Variants in AP3M1 observed in about 807,000 individuals in gnomAD.
AP3M1 encodes adaptor related protein complex 3 subunit mu 1.
A neutral mutation model predicts 42.6 loss-of-function variants in AP3M1; 29 were observed. The ratio of observed to expected loss-of-function variants is 0.68; its 90% CI spans 0.51 to 0.93. The LOEUF is 0.93. Ranked by LOEUF, AP3M1 falls within the 40% of genes least tolerant of loss-of-function variation. AP3M1 has a pLI of 0.00. For synonymous variants in AP3M1, 178 were observed against 175.3 expected, an observed-to-expected ratio of 1.02 and a Z score of -0.12; for missense variants, 416 against 510.2, an observed-to-expected ratio of 0.82 and a Z score of 1.78.
intron 6 of AP3M1, 70 bp downstream of exon 6, chr10:74,129,038 A>G: frequency 6.3e-7 from 1 of 1,576,310 alleles, no homozygotes; most frequent in Non-Finnish European, 8.7e-7. Flanking sequence ...CAACTTTCAG[A>G]AAGAAACAGG....
At chr10:74,125,092 T>C (rs1157918152) in intron 7 of AP3M1, among the ~76,000 whole-genome samples, 3 of 152,222 alleles carry the variant, frequency 2.0e-5, no homozygotes, top group Non-Finnish European at 4.4e-5. Flanking sequence ...GCGATGCTCC[T>C]GCCTCAGCCT....
At chr10:74,144,287 T>C (rs1841261635) in intron 1 of AP3M1, among the ~76,000 whole-genome samples, 1 of 151,180 alleles carries the variant, frequency 6.6e-6, no homozygotes, top group African/African-American at 2.4e-5. Flanking sequence ...TTTTTTGAGA[T>C]AGGGTCTCGC....
chr10:74,147,758 T>C (rs1159512871), intron 1 of AP3M1, among the ~76,000 whole-genome samples: 1 of 152,052 alleles, frequency 6.6e-6, no homozygotes, highest in East Asian at 1.9e-4. Context: ...CCCAGCACTT[T>C]GGGAGGCTGA....
chr10:74,134,386 A>G (rs1230439575), intron 3 of AP3M1, among the ~76,000 whole-genome samples: 1 of 152,214 alleles, frequency 6.6e-6, no homozygotes, highest in Non-Finnish European at 1.5e-5. Context: ...ACCAGGTTAA[A>G]TTTATTTACT....
chr10:74,147,732 G>A (rs1591770652), intron 1 of AP3M1, among the ~76,000 whole-genome samples: 1 of 152,254 alleles, frequency 6.6e-6, no homozygotes, highest in East Asian at 1.9e-4. Context: ...TGGGTGCGGT[G>A]GCTCACACCT....
chr10:74,134,067 A>G lies in AP3M1; in HGVS notation c.543T>C (p.Phe181=), dbSNP rs146857163. ...GVKYTNNEAY[F]DVVEEIDAII... ...TTGCGTCTATTTCTTCAACAACATCAAAATAGGCTTCATTGTTTGTGTACT... is the reference window on the plus strand; with the variant it reads ...TTGCGTCTATTTCTTCAACAACATCGAAATAGGCTTCATTGTTTGTGTACT... Residue 181 remains phenylalanine, a synonymous_variant, in exon 4 of 9, where the codon TTT becomes TTC. Transcript: ENST00000355264. 1.4e-5 allele frequency: 22 copies of G among 1,614,184 alleles called. 1 individual carries two copies. In the Middle Eastern group the frequency reaches 4.9e-4, roughly 36 times the overall value.
rs1254357847 is a variant in AP3M1, at chr10:74,121,468, TTAC to T, written c.*2339_*2341del. The T allele has an allele frequency of 2.0e-5, 3 of 152,258 alleles. No individual in the cohort carries two copies. The highest frequency in any genetic ancestry group is 6.5e-5 in the Admixed American group (1 of 15,282). The allele number at this position is 152,258 out of a possible 1,614,324, so 9.4% of individuals were successfully genotyped here. ...TGTAACTCTGTGCTTGAAAAATATTTTACTACTACTAAGTATTCAGAAATCTTT... is the reference window on the plus strand; with the variant it reads ...TGTAACTCTGTGCTTGAAAAATATTTTACTACTAAGTATTCAGAAATCTTT... On this transcript the variant is annotated 3_prime_UTR_variant, in exon 9 of 9. Transcript: ENST00000355264.
chr10:74,132,772 A>G (rs1044560059), intron 4 of AP3M1, among the ~76,000 whole-genome samples: 1 of 152,186 alleles, frequency 6.6e-6, no homozygotes, highest in African/African-American at 2.4e-5. Flanking sequence ...AGTACTGCAC[A>G]TAATGTAGTA....
At chr10:74,130,994 C>T (rs1398638962) in intron 4 of AP3M1, among the ~76,000 whole-genome samples, 1 of 151,726 alleles carries the variant, frequency 6.6e-6, no homozygotes, top group African/African-American at 2.4e-5. Context: ...TGCGTGTAGT[C>T]CCAGCTACTT....
chr10:74,146,718 G>C (rs752765186), intron 1 of AP3M1, among the ~76,000 whole-genome samples: 1 of 152,034 alleles, frequency 6.6e-6, no homozygotes, highest in African/African-American at 2.4e-5. Flanking sequence ...TAAGTAATCA[G>C]GATTTTTTGT....
At chr10:74,124,245 C>T in intron 8 of AP3M1, 135 bp downstream of exon 8, 1 of 1,090,150 alleles carries the variant, frequency 9.2e-7, no homozygotes, top group African/African-American at 1.6e-5. Flanking sequence ...GAGACTGCCC[C>T]ACCAAGCACA....
At position 74,121,329 on chromosome 10, in the gene AP3M1, G is replaced by T. The variant is rs1840451559; in HGVS notation, c.*2481C>A. On this transcript the variant is annotated 3_prime_UTR_variant, in exon 9 of 9. Coordinates refer to ENST00000355264, the MANE Select transcript of AP3M1 (RefSeq NM_012095.6). ...CCACTTAAGGAATGAACCTATCACAGGAACTCCCTTTGAATAAAATGATGG... is the reference window on the plus strand; with the variant it reads ...CCACTTAAGGAATGAACCTATCACATGAACTCCCTTTGAATAAAATGATGG... 6.6e-6 allele frequency: 1 copy of T among 152,190 alleles called. No homozygotes were observed. 9.4% of individuals were successfully genotyped at this position (152,190 alleles called of 1,614,324 possible).
At chr10:74,126,437 C>T in intron 6 of AP3M1, 82 bp from the exon 7 acceptor site, 1 of 1,141,908 alleles carries the variant, frequency 8.8e-7, no homozygotes, top group African/African-American at 1.5e-5. Flanking sequence ...TCCTGAAAAC[C>T]TCTGTCCAGA....
intron 6 of AP3M1, 77 bp downstream of exon 6, chr10:74,129,031 C>A: frequency 6.4e-7 from 1 of 1,568,320 alleles, no homozygotes; most frequent in Non-Finnish European, 8.7e-7. Flanking sequence ...AAGTACTCAA[C>A]TTTCAGAAAG....
Position 74,135,713 on chromosome 10 carries a change from T to C in AP3M1, c.445+919A>G, listed in dbSNP as rs2131980638. Reference sequence around the variant, plus strand: ...ATTACTTTATCTGTGAAGTATGGAATTGCTTTTTAAAGTCTTATACAGTTA... The same window carrying C: ...ATTACTTTATCTGTGAAGTATGGAACTGCTTTTTAAAGTCTTATACAGTTA... On this transcript the variant is annotated intron_variant, in intron 3 of 8. Transcript: ENST00000355264. 2.6e-5 allele frequency among the ~76,000 whole-genome samples: 4 copies of C among 152,360 alleles called. No individual in the cohort carries two copies. In the South Asian group the frequency reaches 8.3e-4, roughly 32 times the overall value.
In AP3M1 at chr10:74,129,995, G is replaced by T; in HGVS notation, c.584-3C>A. 6.6e-7 allele frequency: 1 copy of T among 1,518,754 alleles called. No individual in the cohort carries two copies. Among genetic ancestry groups the T allele is most frequent in the Non-Finnish European group, 8.8e-7 (1 of 1,132,238 alleles). 94.1% of individuals were successfully genotyped at this position (1,518,754 alleles called of 1,614,324 possible). A position where few individuals can be genotyped will look rare whatever the true frequency, so the allele number is the denominator to read the frequency against. On this transcript the variant is annotated splice_region_variant and splice_polypyrimidine_tract_variant and intron_variant, in intron 4 of 8. Transcript: ENST00000355264. ...AATTTCTGCAAAGACTGTAGATCCT[G>T]AAGAAAGAAAAAAAAAAGGAAGATA... is the stretch of plus-strand genomic sequence containing the variant.
rs771539998 is a variant in AP3M1 at position 74,133,801 on chromosome 10, C to CG, written c.583+225dup. Reference sequence around the variant, plus strand: ...TCCCGAGTAGCTGGGATTACAGGTGCGCGCCACCATGCCCGGCTAATTTTT... The same window carrying CG: ...TCCCGAGTAGCTGGGATTACAGGTGCGGCGCCACCATGCCCGGCTAATTTTT... On this transcript the variant is annotated intron_variant, in intron 4 of 8. Coordinates refer to ENST00000355264, the MANE Select transcript of AP3M1 (RefSeq NM_012095.6). 3.3e-5 allele frequency among the ~76,000 whole-genome samples: 5 copies of CG among 151,516 alleles called. No homozygotes were observed. In the East Asian group the frequency reaches 9.8e-4, roughly 30 times the overall value.
chr10:74,127,504 C>CT (rs1840653382), intron 6 of AP3M1, among the ~76,000 whole-genome samples: 1 of 151,154 alleles, frequency 6.6e-6, no homozygotes, highest in Middle Eastern at 3.4e-3. Context: ...TAACAAAAAA[C>CT]AAAAATTAGC....
intron 1 of AP3M1, among the ~76,000 whole-genome samples, chr10:74,144,665 ATT>A (rs200560159): frequency 4.5e-5 from 6 of 134,068 alleles, no homozygotes; most frequent in South Asian, 2.4e-4. Context: ...TTAGCTTATG[ATT>A]TTTTTTTTTT....
Sources: gnomAD v4.1 joint callset for allele counts (sites outside exome capture counted in the v4.1 genomes callset) on GRCh38, gnomAD v4.1.1 for gene constraint, MANE v1.5 for transcripts, NCBI Gene and HGNC (gene_info 2026-07-23, HGNC 2026-07-21) for gene names.